Variants in ZNF618 observed in about 807,000 individuals in gnomAD.
ZNF618 encodes the protein zinc finger protein 618.
A neutral mutation model predicts 103.0 loss-of-function variants in ZNF618; 34 were observed. That is an observed-to-expected ratio of 0.33 (90% confidence interval 0.25 to 0.44). ZNF618 has a LOEUF of 0.44. Ranked by LOEUF, ZNF618 falls within the 20% of genes least tolerant of loss-of-function variation. The pLI, the probability that ZNF618 is intolerant of heterozygous loss-of-function variation, is 1.00. For missense variants in ZNF618, 1,059 were observed against 1,295.4 expected (o/e 0.82, Z 2.80); for synonymous variants, 551 against 542.2 (o/e 1.02, Z -0.23).
At chr9:114,039,023 AACTG>A (rs1172352219) in intron 13 of ZNF618, among the ~76,000 whole-genome samples, 20 of 152,142 alleles carry the variant, frequency 1.3e-4, no homozygotes, top group Admixed American at 3.3e-4. Context: ...CGGAGGCACA[AACTG>A]GTTAAGTAAC....
chr9:114,022,601 C>CAAAA lies in ZNF618; in HGVS notation c.844+5834_844+5837dup, dbSNP rs56235947. Reference sequence around the variant, plus strand: ...TGCTGCGGTTTCATGTCCACTTGACCAAAAAAAAAAAAAAAAAAAAGGCAT... The same window carrying CAAAA: ...TGCTGCGGTTTCATGTCCACTTGACCAAAAAAAAAAAAAAAAAAAAAAAAGGCAT... On this transcript the variant is annotated intron_variant, in intron 10 of 14. Coordinates refer to ENST00000374126, the MANE Select transcript of ZNF618 (RefSeq NM_001318042.2). Among the ~76,000 whole-genome samples, 88 of 90,636 alleles carry CAAAA rather than the reference C, an allele frequency of 9.7e-4. 5 individuals are homozygous for CAAAA. The highest frequency in any genetic ancestry group is 1.2e-3 in the Non-Finnish European group (59 of 48,672). The allele number at this position is 90,636 out of a possible 152,430, so 59.5% of individuals were successfully genotyped here.
rs201595096 is a variant in ZNF618, at chr9:114,050,047, C to T, written c.2745C>T (p.Ala915=). The T allele has an allele frequency of 5.3e-5, 85 of 1,613,820 alleles. 1 individual carries two copies. In the Admixed American group the frequency reaches 6.3e-4, roughly 12 times the overall value. The part of the protein sequence containing the change: ...KLAFWLLAVP[A]VGARSGCVNM... The stretch of plus-strand genomic sequence containing the variant: ...CCTTCTGGCTCCTGGCGGTTCCGGC[C>T]GTGGGCGCCAGAAGCGGGTGTGTAA... The change falls in exon 15 of 15, where the codon GCC becomes GCT. Residue 915 remains alanine, a synonymous_variant. Coordinates refer to ENST00000374126, the MANE Select transcript of ZNF618 (RefSeq NM_001318042.2).
intron 3 of ZNF618, among the ~76,000 whole-genome samples, chr9:113,993,160 C>T (rs1840237125): frequency 6.6e-6 from 1 of 152,226 alleles, no homozygotes. Flanking sequence ...GGGCAGACCA[C>T]ACTTGAGGTT....
chr9:113,902,752 A>G (rs1434575221), intron 1 of ZNF618, among the ~76,000 whole-genome samples: 1 of 152,192 alleles, frequency 6.6e-6, no homozygotes, highest in Admixed American at 6.5e-5. Context: ...ATTGTAAGGA[A>G]CTACCATAGT....
chr9:113,899,482 C>T (rs1356994849), intron 1 of ZNF618, among the ~76,000 whole-genome samples: 5 of 152,176 alleles, frequency 3.3e-5, no homozygotes, highest in African/African-American at 4.8e-5. Context: ...TCAGCAACAC[C>T]GTTAGATTCT....
At chr9:113,893,357 T>G (rs1425992257) in intron 1 of ZNF618, among the ~76,000 whole-genome samples, 1 of 152,242 alleles carries the variant, frequency 6.6e-6, no homozygotes, top group Non-Finnish European at 1.5e-5. Context: ...AATGTTTCCC[T>G]GGCTGCAGTT....
rs576118106 is a variant in ZNF618 at position 113,886,674 on chromosome 9, T to C, written c.33+10261T>C. Among the ~76,000 whole-genome samples the C allele has an allele frequency of 7.0e-4, 107 of 152,062 alleles. 1 individual carries two copies. The highest frequency in any genetic ancestry group is 2.5e-3 in the African/African-American group (103 of 41,500). ...TTCCCTGGGGTGCTACTAGCCTTCG[T>C]TGGAATTTGTTGTGAGGCCTGCCTT... On this transcript the variant is annotated intron_variant, in intron 1 of 14. Transcript: ENST00000374126.
chr9:113,998,817 T>C (rs1840884698), intron 4 of ZNF618, among the ~76,000 whole-genome samples: 1 of 152,204 alleles, frequency 6.6e-6, no homozygotes, highest in African/African-American at 2.4e-5. Flanking sequence ...CATGGTCCTC[T>C]TTTTGCTGGG....
chr9:113,942,127 C>T (rs112886043), intron 1 of ZNF618, among the ~76,000 whole-genome samples: 6,644 of 152,188 alleles, frequency 0.044, 152 homozygotes, highest in African/African-American at 0.05. Flanking sequence ...GTATCAGAGA[C>T]GGAGGAAGAA....
At chr9:113,948,693 A>G (rs892584548) in intron 1 of ZNF618, among the ~76,000 whole-genome samples, 3 of 152,174 alleles carry the variant, frequency 2.0e-5, no homozygotes, top group Non-Finnish European at 4.4e-5. Flanking sequence ...TGTGCCAGCC[A>G]TTGTGCGAGG....
At chr9:113,898,237 C>T (rs538447749) in intron 1 of ZNF618, among the ~76,000 whole-genome samples, 3 of 152,256 alleles carry the variant, frequency 2.0e-5, no homozygotes, top group African/African-American at 7.2e-5. Flanking sequence ...TCCAGAGTAA[C>T]ACTGTGCTCT....
At chr9:113,953,900 G>T (rs951637933) in intron 1 of ZNF618, among the ~76,000 whole-genome samples, 2 of 152,124 alleles carry the variant, frequency 1.3e-5, no homozygotes, top group Non-Finnish European at 2.9e-5. Context: ...GCAGCCAGTT[G>T]ATCAATATCT....
chr9:113,922,493 T>G (rs1296133644), intron 1 of ZNF618, among the ~76,000 whole-genome samples: 5 of 151,456 alleles, frequency 3.3e-5, no homozygotes. Flanking sequence ...TTTTTTTTTT[T>G]TTTGCATGCG....
chr9:113,918,008 C>T (rs920708027), intron 1 of ZNF618, among the ~76,000 whole-genome samples: 6 of 152,116 alleles, frequency 3.9e-5, no homozygotes, highest in South Asian at 4.2e-4. Context: ...GGAGCCGATC[C>T]GGGATCCCAC....
intron 10 of ZNF618, among the ~76,000 whole-genome samples, chr9:114,026,390 G>C (rs55900525): frequency 0.045 from 6,779 of 152,252 alleles, 472 homozygotes; most frequent in African/African-American, 0.15. Flanking sequence ...AGGGAAAGAG[G>C]GGGCTGTGTG....
chr9:114,025,794 T>G (rs1454603884), intron 10 of ZNF618, among the ~76,000 whole-genome samples: 1 of 152,178 alleles, frequency 6.6e-6, no homozygotes, highest in Non-Finnish European at 1.5e-5. Flanking sequence ...TGTGCCCTCA[T>G]TGGGATCCCA....
rs1373753774 is a variant in ZNF618, at chr9:114,049,467, A to G, written c.2165A>G (p.Asn722Ser). ...CEFYSRAKKM[N>S]LIQSLNKHLL... is the part of the protein sequence containing the mutation. ...TTCTACAGCCGGGCCAAGAAGATGA[A>G]CCTCATCCAGAGCCTCAACAAGCAC... Residue 722 changes from asparagine (N) to serine (S), a missense_variant, in exon 15 of 15, where the codon AAC (asparagine) becomes AGC (serine). Physicochemically the swap from Asn to Ser is conservative, Grantham distance 46. Coordinates refer to ENST00000374126, the MANE Select transcript of ZNF618 (RefSeq NM_001318042.2). The G allele has an allele frequency of 6.2e-7, 1 of 1,611,376 alleles. No homozygotes were observed. The highest frequency in any genetic ancestry group is 1.7e-5 in the Admixed American group (1 of 59,626).
At chr9:113,876,451 A>T in intron 1 of ZNF618, 38 bp downstream of exon 1, 4 of 1,189,404 alleles carry the variant, frequency 3.4e-6, no homozygotes, top group Non-Finnish European at 4.2e-6. Context: ...CGCGCGGGGG[A>T]CCCCGGGGGG....
At chr9:114,007,260 T>G in intron 6 of ZNF618, 90 bp from the exon 7 acceptor site, 1 of 1,093,312 alleles carries the variant, frequency 9.1e-7, no homozygotes, top group Non-Finnish European at 1.3e-6. Context: ...GCTAGTTTCA[T>G]CTTTGGTTTC....
Sources: gnomAD v4.1 joint callset for allele counts (sites outside exome capture counted in the v4.1 genomes callset) on GRCh38, gnomAD v4.1.1 for gene constraint, MANE v1.5 for transcripts, NCBI Gene and HGNC (gene_info 2026-07-23, HGNC 2026-07-21) for gene names.